TBC1D5: variants seen among roughly 807,000 people sequenced by gnomAD.
TBC1D5 encodes the protein TBC1 domain family, member 5.
Under a neutral mutation model 100.3 loss-of-function variants are expected in TBC1D5, and 75 were observed. The observed-to-expected ratio is 0.75, with a 90% CI of 0.62 to 0.91. TBC1D5 has a LOEUF of 0.91. Among genes scored for constraint, TBC1D5 ranks in the 40% least tolerant of loss-of-function variants. The probability of loss-of-function intolerance (pLI) is 0.00; values close to 1 mark genes in which losing one functional copy is unlikely to be tolerated. For synonymous variants in TBC1D5, 323 were observed against 325.6 expected, an observed-to-expected ratio of 0.99 and a Z score of 0.09; for missense variants, 910 against 942.4, an observed-to-expected ratio of 0.97 and a Z score of 0.45.
chr3:17,544,915 C>A (rs2096399876), intron 2 of TBC1D5, among the ~76,000 whole-genome samples: 1 of 152,078 alleles, frequency 6.6e-6, no homozygotes, highest in South Asian at 2.1e-4. Flanking sequence ...GCATTAATTA[C>A]AAAGGGACAA....
At chr3:17,176,890 T>C (rs2067809811) in intron 19 of TBC1D5, among the ~76,000 whole-genome samples, 1 of 152,002 alleles carries the variant, frequency 6.6e-6, no homozygotes, top group African/African-American at 2.4e-5. Flanking sequence ...AAAGACATCA[T>C]TGAAAAGCTT....
intron 17 of TBC1D5, among the ~76,000 whole-genome samples, chr3:17,220,310 A>AT (rs2074130629): frequency 6.6e-6 from 1 of 152,164 alleles, no homozygotes; most frequent in Admixed American, 6.6e-5. Context: ...GAGACTGGAT[A>AT]TGACATGATA....
chr3:17,497,139 A>ACCC, intron 3 of TBC1D5, among the ~76,000 whole-genome samples: 1 of 130,702 alleles, frequency 7.7e-6, no homozygotes, highest in African/African-American at 2.9e-5. Context: ...CACACACACC[A>ACCC]TCCTTGTATA....
At chr3:17,585,469 T>C (rs1352907398) in intron 2 of TBC1D5, among the ~76,000 whole-genome samples, 1 of 152,220 alleles carries the variant, frequency 6.6e-6, no homozygotes. Flanking sequence ...CTTGTGCTTA[T>C]GTTCTTACTA....
chr3:17,335,201 G>C (rs2087523095), intron 13 of TBC1D5, among the ~76,000 whole-genome samples: 1 of 152,062 alleles, frequency 6.6e-6, no homozygotes, highest in South Asian at 2.1e-4. Flanking sequence ...ACTAACAGGG[G>C]AAGTCTTAAG....
In TBC1D5 at chr3:17,664,425, T is replaced by TA. The variant is rs565094823; in HGVS notation, c.-100-40513dup. Among the ~76,000 whole-genome samples the TA allele has an allele frequency of 1.0e-3, 155 of 152,308 alleles. 2 individuals are homozygous for TA. The South Asian group carries it at 0.018, about 18-fold the overall frequency. On this transcript the variant is annotated intron_variant, in intron 1 of 21. Coordinates refer to ENST00000253692, the Ensembl canonical transcript of TBC1D5. ...ATGTATTAAAAAATGCAAACATTCT[T>TA]AAAACAGATCTCGATACCAAAGGCC...
intron 2 of TBC1D5, among the ~76,000 whole-genome samples, chr3:17,581,414 G>A (rs1017814156): frequency 6.6e-6 from 1 of 152,002 alleles, no homozygotes; most frequent in African/African-American, 2.4e-5. Context: ...GTGTCTAACT[G>A]CCTCCTTGAC....
rs575540513 is a variant in TBC1D5 at position 17,518,020 on chromosome 3, T to C, written c.-35-9415A>G. On this transcript the variant is annotated intron_variant, in intron 2 of 21. Coordinates refer to ENST00000253692, the Ensembl canonical transcript of TBC1D5. ...TCACTCCTGGCAATAATAATAAACA[T>C]TAAAAATTCTTCATAAGACAGCAGA... 7.0e-4 allele frequency among the ~76,000 whole-genome samples: 107 copies of C among 152,216 alleles called. 3 individuals carry two copies. In the South Asian group the frequency reaches 0.022, roughly 31 times the overall value.
intron 2 of TBC1D5, among the ~76,000 whole-genome samples, chr3:17,599,240 C>A (rs934169925): frequency 6.6e-6 from 1 of 152,070 alleles, no homozygotes; most frequent in Non-Finnish European, 1.5e-5. Context: ...CCTGTTTCCC[C>A]GCCCAAATGT....
At chr3:17,318,531 C>T (rs1281471549) in intron 13 of TBC1D5, among the ~76,000 whole-genome samples, 3 of 152,230 alleles carry the variant, frequency 2.0e-5, no homozygotes, top group Non-Finnish European at 4.4e-5. Flanking sequence ...TTTCTTTGCT[C>T]AGCCCCCAGT....
At chr3:17,437,691 AG>A (rs147050985) in intron 3 of TBC1D5, among the ~76,000 whole-genome samples, 2,753 of 120,670 alleles carry the variant, frequency 0.023, 106 homozygotes, top group African/African-American at 0.079. Flanking sequence ...AGAGGAAGGA[AG>A]GGGGAAAGAA....
At chr3:17,535,041 A>G (rs2096269309) in intron 2 of TBC1D5, among the ~76,000 whole-genome samples, 1 of 152,200 alleles carries the variant, frequency 6.6e-6, no homozygotes, top group Non-Finnish European at 1.5e-5. Context: ...TAACTACTCA[A>G]TATCAATTTT....
intron 18 of TBC1D5, among the ~76,000 whole-genome samples, chr3:17,196,790 C>T (rs1422748678): frequency 2.0e-5 from 3 of 152,276 alleles, no homozygotes; most frequent in Non-Finnish European, 2.9e-5. Flanking sequence ...TCCTCCAACT[C>T]GCCAAATCCA....
Position 17,535,585 on chromosome 3 carries a change from G to A in TBC1D5, c.-35-26980C>T, listed in dbSNP as rs139184986. Reference sequence around the variant, plus strand: ...ATCTTGGCCTATAAAAATAGACTCCGGTCTGTAACTTGGCATAAAAAGTAC... The same window carrying A: ...ATCTTGGCCTATAAAAATAGACTCCAGTCTGTAACTTGGCATAAAAAGTAC... On this transcript the variant is annotated intron_variant, in intron 2 of 21. Coordinates refer to ENST00000253692, the Ensembl canonical transcript of TBC1D5. Among the ~76,000 whole-genome samples, 31 of 152,016 alleles carry A rather than the reference G, an allele frequency of 2.0e-4. No individual in the cohort carries two copies. The East Asian group carries it at 5.0e-3, about 25-fold the overall frequency.
intron 2 of TBC1D5, among the ~76,000 whole-genome samples, chr3:17,560,850 G>A (rs1483591011): frequency 6.6e-6 from 1 of 151,886 alleles, no homozygotes; most frequent in Non-Finnish European, 1.5e-5. Context: ...GAACCCAGGA[G>A]GCAGAGGTTG....
intron 1 of TBC1D5, among the ~76,000 whole-genome samples, chr3:17,729,085 G>GAAAGAA (rs2076354770): frequency 1.0e-5 from 1 of 99,496 alleles, no homozygotes; most frequent in African/African-American, 3.6e-5. Flanking sequence ...AGGCAATAAA[G>GAAAGAA]AAAGAAAAAT....
chr3:17,667,897 C>T (rs557924291), intron 1 of TBC1D5, among the ~76,000 whole-genome samples: 2 of 151,584 alleles, frequency 1.3e-5, no homozygotes, highest in South Asian at 2.1e-4. Context: ...TGAAATGATA[C>T]ATGTTGTCTC....
intron 14 of TBC1D5, among the ~76,000 whole-genome samples, chr3:17,303,833 CTTTTTTTTT>C (rs140988557): frequency 3.9e-4 from 33 of 84,518 alleles, no homozygotes; most frequent in African/African-American, 1.4e-3. Flanking sequence ...CAATCTACCT[CTTTTTTTTT>C]TTTTTTTTTT....
intron 2 of TBC1D5, among the ~76,000 whole-genome samples, chr3:17,600,091 C>G (rs997167515): frequency 3.9e-5 from 6 of 152,318 alleles, no homozygotes; most frequent in Admixed American, 6.5e-5. Context: ...ACTAATTCCA[C>G]AGGTATTTTG....
Sources: gnomAD v4.1 joint callset for allele counts (sites outside exome capture counted in the v4.1 genomes callset) on GRCh38, gnomAD v4.1.1 for gene constraint, MANE v1.5 for transcripts, NCBI Gene and HGNC (gene_info 2026-07-23, HGNC 2026-07-21) for gene names.